The following ZBTB24 variants were observed in gnomAD, a reference collection of about 807,000 sequenced individuals.
The protein encoded by ZBTB24 is zinc finger and BTB domain-containing protein 24.
Under a neutral mutation model 53.8 loss-of-function variants are expected in ZBTB24, and 32 were observed. That is an observed-to-expected ratio of 0.60 (90% CI 0.45 to 0.80). ZBTB24 has a LOEUF of 0.80. Among genes scored for constraint, ZBTB24 ranks in the 30% least tolerant of loss-of-function variants. ZBTB24 has a pLI of 0.00. For missense variants in ZBTB24, 722 were observed against 837.1 expected, an observed-to-expected ratio of 0.86 and a Z score of 1.70; for synonymous variants, 297 against 306.7, an observed-to-expected ratio of 0.97 and a Z score of 0.33.
chr6:109,482,743 T>C (rs1036172022), intron 1 of ZBTB24, among the ~76,000 whole-genome samples: 4 of 152,184 alleles, frequency 2.6e-5, no homozygotes, highest in African/African-American at 9.6e-5. Context: ...TTTCTATGGT[T>C]GCACAACTAT....
chr6:109,482,625 TTAAC>T (rs1776451950), intron 1 of ZBTB24, among the ~76,000 whole-genome samples: 2 of 151,444 alleles, frequency 1.3e-5, no homozygotes, highest in South Asian at 4.2e-4. Flanking sequence ...CTGCCGCACA[TTAAC>T]TAGCTGAGTG....
chr6:109,480,924 G>A, intron 2 of ZBTB24, 151 bp downstream of exon 2: 1 of 1,491,298 alleles, frequency 6.7e-7, no homozygotes, highest in Non-Finnish European at 8.9e-7. Context: ...CCACCTTGCA[G>A]GATTGTGGAG....
Position 109,481,712 on chromosome 6 carries a change from A to G in ZBTB24, c.315T>C (p.Ser105=). 6.2e-7 allele frequency: 1 copy of G among 1,614,178 alleles called. No individual in the cohort carries two copies. The highest frequency in any genetic ancestry group is 1.1e-5 in the South Asian group (1 of 91,082). Residue 105 remains serine (S), a synonymous_variant, in exon 2 of 7, where the codon AGT becomes AGC. Transcript: ENST00000230122. ...GAGCAGTAGCCAGGATTTGTTCTGT[A>G]CTTTTCTCACTGGCATGGAGATAAC... ...YTGYLHASEK[S]TEQILATAQF... is the part of the protein sequence containing the mutation.
At chr6:109,472,498 C>T (rs1024797807) in intron 5 of ZBTB24, among the ~76,000 whole-genome samples, 3 of 152,286 alleles carry the variant, frequency 2.0e-5, no homozygotes, top group South Asian at 2.1e-4. Context: ...AACCTCACTC[C>T]CCCTTATGCT....
At chr6:109,468,349 T>A (rs547494279) in intron 5 of ZBTB24, among the ~76,000 whole-genome samples, 1 of 152,172 alleles carries the variant, frequency 6.6e-6, no homozygotes, top group Admixed American at 6.5e-5. Context: ...AATGTTCTGA[T>A]GATTTCCCAC....
intron 4 of ZBTB24, among the ~76,000 whole-genome samples, chr6:109,475,725 A>G (rs1776264313): frequency 6.6e-6 from 1 of 152,190 alleles, no homozygotes; most frequent in South Asian, 2.1e-4. Context: ...TCCTCAAAGT[A>G]TTGGTGTGAC....
Position 109,481,260 on chromosome 6 carries a change from C to T in ZBTB24, c.767G>A (p.Arg256Gln), listed in dbSNP as rs1023323966. 11 of 1,614,084 alleles carry T rather than the reference C, an allele frequency of 6.8e-6. No individual in the cohort carries two copies. Among genetic ancestry groups the T allele is most frequent in the East Asian group, 4.5e-5 (2 of 44,898 alleles). The change falls in exon 2 of 7, where the codon CGG becomes CAG. Residue 256 changes from arginine to glutamine, a missense_variant. Arg to Gln is a conservative substitution (Grantham distance 43). Transcript: ENST00000230122. ...GQASQSRYSK[R>Q]RIWRSVKLKD... is the part of the protein sequence containing the mutation. Reference sequence around the variant, plus strand: ...AAGTTTGACGGATCTCCAAATCCTCCGCTTGCTGTATCGACTCTGGCTTGC... The same window carrying T: ...AAGTTTGACGGATCTCCAAATCCTCTGCTTGCTGTATCGACTCTGGCTTGC...
At position 109,464,207 on chromosome 6, in the gene ZBTB24, G is replaced by A. The variant is rs1775978135; in HGVS notation, c.*1644C>T. The A allele has an allele frequency of 6.6e-6, 1 of 152,130 alleles. No homozygotes were observed. Among genetic ancestry groups the A allele is most frequent in the South Asian group, 2.1e-4 (1 of 4,822 alleles). The allele number at this position is 152,130 out of a possible 1,614,324, so 9.4% of individuals were successfully genotyped here. ...GGCCTGATTTAACATTAGTTTGGTT[G>A]ATACATATAAGATATATATCATTTT... is the stretch of plus-strand genomic sequence containing the variant. On this transcript the variant is annotated 3_prime_UTR_variant, in exon 7 of 7. Coordinates refer to ENST00000230122, the MANE Select transcript of ZBTB24 (RefSeq NM_014797.3).
intron 3 of ZBTB24, 86 bp from the exon 4 acceptor site, chr6:109,476,344 C>T (rs1776278419): frequency 2.9e-6 from 4 of 1,359,924 alleles, no homozygotes; most frequent in Non-Finnish European, 2.1e-6. Context: ...TACAGTGGGT[C>T]CAGGTCCCCA....
At chr6:109,471,333 C>T (rs1293611670) in intron 5 of ZBTB24, among the ~76,000 whole-genome samples, 1 of 152,174 alleles carries the variant, frequency 6.6e-6, no homozygotes, top group Non-Finnish European at 1.5e-5. Flanking sequence ...GGCACGTAGA[C>T]TCTGTAAGGG....
chr6:109,475,369 A>G (rs1776257570), intron 5 of ZBTB24, 30 bp downstream of exon 5: 2 of 1,612,628 alleles, frequency 1.2e-6, no homozygotes, highest in Non-Finnish European at 1.7e-6. Flanking sequence ...CATCCCGTGT[A>G]CTGGGGGGAC....
At position 109,465,713 on chromosome 6, in the gene ZBTB24, A is replaced by C; in HGVS notation, c.*138T>G. On this transcript the variant is annotated 3_prime_UTR_variant, in exon 7 of 7. Transcript: ENST00000230122. ...TGCTACCTGGATGGAGGGCATTATA[A>C]ACATCAGTTAGCCATCACAGCTCTC... The C allele has an allele frequency of 6.2e-7, 1 of 1,607,110 alleles. No homozygotes were observed. Among genetic ancestry groups the C allele is most frequent in the Non-Finnish European group, 8.5e-7 (1 of 1,179,680 alleles).
Position 109,481,521 on chromosome 6 carries a change from T to C in ZBTB24, c.506A>G (p.Asn169Ser), listed in dbSNP as rs748401884. 3.7e-6 allele frequency: 6 copies of C among 1,614,140 alleles called. No individual in the cohort carries two copies. Among genetic ancestry groups the C allele is most frequent in the South Asian group, 2.2e-5 (2 of 91,092 alleles). ...KRKRGRPKKV[N>S]TLQEEKSELA... is the part of the protein sequence containing the mutation. The stretch of plus-strand genomic sequence containing the variant: ...TTCTGATTTCTCCTCCTGCAATGTA[T>C]TGACTTTTTTTGGTCTTCCCCGTTT... The change falls in exon 2 of 7, where the codon AAT (asparagine) becomes AGT (serine). Residue 169 changes from asparagine to serine, a missense_variant. Physicochemically the swap from Asn to Ser is conservative, Grantham distance 46. Transcript: ENST00000230122.
Position 109,476,177 on chromosome 6 carries a change from G to A in ZBTB24, c.1202C>T (p.Thr401Ile), listed in dbSNP as rs1776274830. The A allele has an allele frequency of 6.2e-7, 1 of 1,613,898 alleles. No homozygotes were observed. Among genetic ancestry groups the A allele is most frequent in the South Asian group, 1.1e-5 (1 of 91,054 alleles). ...RQLKSHYRVHTGHSLPECKDC... is the reference protein window; with the variant it reads ...RQLKSHYRVHIGHSLPECKDC... ...TAAATGTTCTCACTTTATCGTACCT[G>A]TATGAACTCGGTAATGGCTCTTTAG... is the stretch of plus-strand genomic sequence containing the variant. Residue 401 changes from threonine (T) to isoleucine (I), a missense_variant and splice_region_variant, in exon 4 of 7, where the codon ACA (threonine) becomes ATA (isoleucine). By Grantham distance (89) the Thr-to-Ile change is moderately conservative. Coordinates refer to ENST00000230122, the MANE Select transcript of ZBTB24 (RefSeq NM_014797.3).
At chr6:109,468,936 A>C (rs1776110655) in intron 5 of ZBTB24, among the ~76,000 whole-genome samples, 1 of 152,012 alleles carries the variant, frequency 6.6e-6, no homozygotes. Flanking sequence ...AAAAAAGAAA[A>C]AAAAAAAAAA....
chr6:109,479,840 C>T (rs1042947180), intron 2 of ZBTB24, among the ~76,000 whole-genome samples: 6 of 130,136 alleles, frequency 4.6e-5, no homozygotes, highest in Admixed American at 1.9e-4. Flanking sequence ...CACTTGAACT[C>T]GGGAGGCGGA....
chr6:109,478,503 G>C (rs779145010), intron 2 of ZBTB24, among the ~76,000 whole-genome samples: 1 of 152,100 alleles, frequency 6.6e-6, no homozygotes, highest in Non-Finnish European at 1.5e-5. Context: ...CTCTCAGTGT[G>C]ATCTGGGAAC....
chr6:109,465,879 G>A lies in ZBTB24; in HGVS notation c.2066C>T (p.Pro689Leu). ...GCTCTGCTCCTGGCCAAGTGGCGTT[G>A]GCTGGGGCACGTGGTGAGTGGGTGG... ...PPPPTHHVPQ[P>L]TPLGQEQS is the part of the protein sequence containing the mutation. Residue 689 changes from proline (P) to leucine (L), a missense_variant, in exon 7 of 7, where the codon CCA becomes CTA. By Grantham distance (98) the Pro-to-Leu change is moderately conservative. Transcript: ENST00000230122. The A allele has an allele frequency of 6.2e-7, 1 of 1,614,184 alleles. No individual in the cohort carries two copies. Among genetic ancestry groups the A allele is most frequent in the Non-Finnish European group, 8.5e-7 (1 of 1,180,034 alleles).
In ZBTB24 at chr6:109,481,110, T is replaced by C. The variant is rs375086477; in HGVS notation, c.917A>G (p.Asn306Ser). 2.3e-5 allele frequency: 37 copies of C among 1,614,190 alleles called. No individual in the cohort carries two copies. The highest frequency in any genetic ancestry group is 6.7e-5 in the Admixed American group (4 of 60,018). Residue 306 changes from asparagine (N) to serine (S), a missense_variant, in exon 2 of 7, where the codon AAT becomes AGT. Coordinates refer to ENST00000230122, the MANE Select transcript of ZBTB24 (RefSeq NM_014797.3). The stretch of plus-strand genomic sequence containing the variant: ...CCTCTGGTGGATTGCTAAAAAGTGA[T>C]TGTACTTAAAGACCTTGCCACAGTC... ...CKDCGKVFKY[N>S]HFLAIHQRSH...
Sources: allele counts gnomAD v4.1 joint callset (sites outside exome capture counted in the v4.1 genomes callset), GRCh38; gene constraint gnomAD v4.1.1; transcripts MANE v1.5; gene names NCBI Gene and HGNC (gene_info 2026-07-23, HGNC 2026-07-21).